The following CFAP58 variants were observed in gnomAD, a reference collection of about 807,000 sequenced individuals.
CFAP58 encodes cilia and flagella associated protein 58, also known as cilia- and flagella-associated protein 58.
CFAP58 carries 88 observed loss-of-function variants against 119.5 expected under a neutral mutation model. That is an observed-to-expected ratio of 0.74 (90% confidence interval 0.62 to 0.88). The LOEUF (loss-of-function observed/expected upper bound fraction) is 0.88, where lower values mean the gene tolerates loss of function less well. CFAP58 is among the 40% of genes least tolerant of loss of function. CFAP58 has a pLI of 0.00. For missense variants in CFAP58, 990 were observed against 1,021.2 expected (o/e 0.97, Z 0.42); for synonymous variants, 365 against 366.3 (o/e 1.00, Z 0.04).
chr10:104,401,537 T>C (rs1247801649), intron 13 of CFAP58, among the ~76,000 whole-genome samples: 2 of 152,220 alleles, frequency 1.3e-5, no homozygotes, highest in Non-Finnish European at 2.9e-5. Context: ...ATATAGGCAA[T>C]TGCAGGAAAC....
chr10:104,417,336 G>A (rs920635492), intron 15 of CFAP58, among the ~76,000 whole-genome samples: 5 of 152,206 alleles, frequency 3.3e-5, no homozygotes, highest in Non-Finnish European at 7.4e-5. Flanking sequence ...TTAAGGGAAA[G>A]AATGACATAA....
intron 12 of CFAP58, among the ~76,000 whole-genome samples, chr10:104,399,947 A>G (rs966917233): frequency 5.3e-5 from 8 of 152,186 alleles, no homozygotes; most frequent in African/African-American, 1.7e-4. Flanking sequence ...ACCCAAATGC[A>G]TAATTTGGGG....
At chr10:104,408,948 A>G (rs1015840447) in intron 15 of CFAP58, among the ~76,000 whole-genome samples, 23 of 152,186 alleles carry the variant, frequency 1.5e-4, no homozygotes, top group African/African-American at 4.3e-4. Flanking sequence ...AAGAATACAA[A>G]TATTAGCCAG....
At position 104,358,152 on chromosome 10, in the gene CFAP58, T is replaced by C. The variant is rs745347637; in HGVS notation, c.10-189T>C. Among the ~76,000 whole-genome samples, 56 of 151,886 alleles carry C rather than the reference T, an allele frequency of 3.7e-4. No homozygotes were observed. In the Middle Eastern group the frequency reaches 0.01, roughly 28 times the overall value. On this transcript the variant is annotated intron_variant, in intron 1 of 17. Transcript: ENST00000369704. The stretch of plus-strand genomic sequence containing the variant: ...ATATATACACATATATATGTACTTA[T>C]ATATGTACATAAGCATCAGGGTCTG...
intron 6 of CFAP58, among the ~76,000 whole-genome samples, 158 bp downstream of exon 6, chr10:104,368,718 A>G (rs78797844): frequency 0.017 from 2,640 of 152,342 alleles, 38 homozygotes; most frequent in Admixed American, 0.034. Flanking sequence ...CTTTAGGCCC[A>G]GAAGCAGAGT....
At chr10:104,366,496 A>G (rs767518316) in intron 5 of CFAP58, among the ~76,000 whole-genome samples, 26 of 152,286 alleles carry the variant, frequency 1.7e-4, no homozygotes, top group Admixed American at 6.5e-4. Context: ...ATTACAGGAT[A>G]TATTCTTTGT....
intron 15 of CFAP58, among the ~76,000 whole-genome samples, chr10:104,443,093 G>A (rs2013064809): frequency 1.3e-5 from 2 of 152,316 alleles, no homozygotes; most frequent in Admixed American, 6.5e-5. Flanking sequence ...TATAGAGAGA[G>A]ATTCACCATG....
At chr10:104,357,848 CACATATATACACATAT>C (rs2014574274) in intron 1 of CFAP58, among the ~76,000 whole-genome samples, 1 of 50,006 alleles carries the variant, frequency 2.0e-5, no homozygotes, top group African/African-American at 6.7e-5. Context: ...CACATATGTA[CACATATATACACATAT>C]ATACACATAT....
At chr10:104,342,915 A>G in the CFAP58 span, among the ~76,000 whole-genome samples, 1 of 151,498 alleles carries the variant, frequency 6.6e-6, no homozygotes, top group African/African-American at 2.4e-5. Context: ...GCTTCACACC[A>G]CATCTCACGG....
chr10:104,450,028 G>C, intron 16 of CFAP58, 43 bp from the exon 17 acceptor site: 1 of 1,565,352 alleles, frequency 6.4e-7, no homozygotes, highest in Non-Finnish European at 8.6e-7. Context: ...CTCAGAAAAG[G>C]ATATTGTATC....
At chr10:104,442,139 G>C (rs1264531705) in intron 15 of CFAP58, among the ~76,000 whole-genome samples, 1 of 152,072 alleles carries the variant, frequency 6.6e-6, no homozygotes, top group East Asian at 1.9e-4. Flanking sequence ...TGGTAGTGGG[G>C]GGATGGAAAA....
chr10:104,429,719 T>C (rs917906365), intron 15 of CFAP58, among the ~76,000 whole-genome samples: 3 of 152,224 alleles, frequency 2.0e-5, no homozygotes, highest in Non-Finnish European at 4.4e-5. Context: ...GTTTATACCA[T>C]CCCTCACTTT....
intron 15 of CFAP58, among the ~76,000 whole-genome samples, chr10:104,424,506 T>C (rs576173282): frequency 3.9e-5 from 6 of 152,278 alleles, no homozygotes; most frequent in South Asian, 2.1e-4. Context: ...ATCTATAATA[T>C]CTATAGAAGT....
chr10:104,340,792 A>T, the CFAP58 span, among the ~76,000 whole-genome samples: 1 of 152,216 alleles, frequency 6.6e-6, no homozygotes, highest in Non-Finnish European at 1.5e-5. Context: ...GATTGGGGTT[A>T]GTATCTATTC....
chr10:104,376,795 C>G lies in CFAP58; in HGVS notation c.1091-16C>G, dbSNP rs373698186. 12 of 1,602,684 alleles carry G rather than the reference C, an allele frequency of 7.5e-6. No individual in the cohort carries two copies. Among genetic ancestry groups the G allele is most frequent in the Non-Finnish European group, 8.5e-6 (10 of 1,171,756 alleles). ...GACTCTACGTTTATTATTATTTTTT[C>G]TCCCTGGGGATTCAGAGGTAGAGGC... On this transcript the variant is annotated splice_polypyrimidine_tract_variant and intron_variant, in intron 7 of 17. Transcript: ENST00000369704.
intron 9 of CFAP58, among the ~76,000 whole-genome samples, chr10:104,388,341 T>C (rs2011966038): frequency 6.6e-6 from 1 of 152,240 alleles, no homozygotes; most frequent in Admixed American, 6.5e-5. Context: ...AGTACTTATA[T>C]GCTGGCGTAG....
intron 15 of CFAP58, among the ~76,000 whole-genome samples, chr10:104,440,847 G>A (rs941399976): frequency 6.6e-6 from 1 of 150,938 alleles, no homozygotes; most frequent in African/African-American, 2.4e-5. Context: ...CCCTTTCCGT[G>A]GCCCACCAAA....
chr10:104,358,368 G>A lies in CFAP58; in HGVS notation c.37G>A (p.Glu13Lys), dbSNP rs919013418. The change falls in exon 2 of 18, where the codon GAA (glutamate) becomes AAA (lysine). Residue 13 changes from glutamate to lysine, a missense_variant. Glu to Lys is a moderately conservative substitution (Grantham distance 56, BLOSUM62 1). Transcript: ENST00000369704. ...EEKGGKQVLE[E>K]SAFEEMERDF... ...AAAGGGTGGAAAGCAAGTCCTGGAA[G>A]AATCTGCATTTGAAGAAATGGAAAG... is the stretch of plus-strand genomic sequence containing the variant. The A allele has an allele frequency of 3.7e-6, 6 of 1,613,144 alleles. No individual in the cohort carries two copies. The highest frequency in any genetic ancestry group is 5.1e-6 in the Non-Finnish European group (6 of 1,179,580).
the CFAP58 span, among the ~76,000 whole-genome samples, chr10:104,346,402 C>A: frequency 1.3e-5 from 2 of 151,952 alleles, no homozygotes; most frequent in Admixed American, 1.3e-4. Context: ...GGCTGGAGTG[C>A]AGTGACATAA....
Sources: allele counts gnomAD v4.1 joint callset (sites outside exome capture counted in the v4.1 genomes callset), GRCh38; gene constraint gnomAD v4.1.1; transcripts MANE v1.5; gene names NCBI Gene and HGNC (gene_info 2026-07-23, HGNC 2026-07-21).